The following DCP2 variants were observed in gnomAD, a reference collection of about 807,000 sequenced individuals.
DCP2 encodes the protein decapping mRNA 2.
A neutral mutation model predicts 56.1 loss-of-function variants in DCP2; 30 were observed. The observed-to-expected ratio is 0.53, with a 90% CI of 0.40 to 0.73. The LOEUF (loss-of-function observed/expected upper bound fraction) is 0.73. Among genes scored for constraint, DCP2 ranks in the 30% least tolerant of loss-of-function variants. The pLI, the probability that DCP2 is intolerant of heterozygous loss-of-function variation, is 0.00. For missense variants in DCP2, 533 were observed against 502.7 expected, an observed-to-expected ratio of 1.06 and a Z score of -0.58; for synonymous variants, 197 against 163.3, an observed-to-expected ratio of 1.21 and a Z score of -1.57.
At chr5:113,002,654 G>T (rs1315123209) in intron 7 of DCP2, among the ~76,000 whole-genome samples, 5 of 152,008 alleles carry the variant, frequency 3.3e-5, no homozygotes, top group African/African-American at 1.2e-4. Context: ...TGAGTCACTG[G>T]GAACACAGGC....
At chr5:112,989,021 G>C (rs1330834445) in intron 2 of DCP2, among the ~76,000 whole-genome samples, 1 of 152,210 alleles carries the variant, frequency 6.6e-6, no homozygotes, top group Non-Finnish European at 1.5e-5. Flanking sequence ...AATGTTTAAT[G>C]TGGTACACTT....
In DCP2 at chr5:113,017,305, T is replaced by A. The variant is rs778377690; in HGVS notation, c.*3821T>A. 1 of 140,466 alleles carries A rather than the reference T, an allele frequency of 7.1e-6. No homozygotes were observed. Among genetic ancestry groups the A allele is most frequent in the African/African-American group, 2.8e-5 (1 of 36,008 alleles). The allele number at this position is 140,466 out of a possible 1,614,324, so 8.7% of individuals were successfully genotyped here. A position where few individuals can be genotyped will look rare whatever the true frequency, so the allele number is the denominator to read the frequency against. On this transcript the variant is annotated 3_prime_UTR_variant, in exon 11 of 11. Coordinates refer to ENST00000389063, the MANE Select transcript of DCP2 (RefSeq NM_152624.6). ...CTTTAGATTACTAAACAAAACAAAC[T>A]GTTTTTTTGTTTGAAGGTATCCTTT... is the stretch of plus-strand genomic sequence containing the variant.
intron 8 of DCP2, among the ~76,000 whole-genome samples, chr5:113,006,785 G>A (rs1181582197): frequency 6.6e-6 from 1 of 152,098 alleles, no homozygotes; most frequent in Non-Finnish European, 1.5e-5. Context: ...CAATTTAATA[G>A]CAAGATTCAA....
intron 2 of DCP2, among the ~76,000 whole-genome samples, chr5:112,987,543 G>C (rs1748352282): frequency 6.7e-6 from 1 of 150,166 alleles, no homozygotes; most frequent in African/African-American, 2.4e-5. Flanking sequence ...GCCTCCACCT[G>C]CAGGGTTCAA....
Position 113,016,685 on chromosome 5 carries a change from A to T in DCP2, c.*3201A>T, listed in dbSNP as rs1201817169. On this transcript the variant is annotated 3_prime_UTR_variant, in exon 11 of 11. Transcript: ENST00000389063. ...TATAGAAAAGTTAAGGTCTGAGTGC[A>T]TGTGTGCATTAAAAACATTTCACTA... 6.6e-6 allele frequency: 1 copy of T among 152,200 alleles called. No homozygotes were observed. Among genetic ancestry groups the T allele is most frequent in the African/African-American group, 2.4e-5 (1 of 41,456 alleles). 9.4% of individuals were successfully genotyped at this position (152,200 alleles called of 1,614,324 possible). A position where few individuals can be genotyped will look rare whatever the true frequency, so the allele number is the denominator to read the frequency against.
chr5:113,009,838 C>G (rs1189836558), intron 9 of DCP2, among the ~76,000 whole-genome samples: 1 of 151,862 alleles, frequency 6.6e-6, no homozygotes, highest in Non-Finnish European at 1.5e-5. Context: ...GATGTTAACA[C>G]ACATCTTCAT....
intron 1 of DCP2, among the ~76,000 whole-genome samples, chr5:112,985,408 A>G (rs1395694067): frequency 1.3e-5 from 2 of 152,218 alleles, no homozygotes; most frequent in South Asian, 2.1e-4. Context: ...GAGCAACAGA[A>G]TATTGGTTTC....
intron 4 of DCP2, among the ~76,000 whole-genome samples, chr5:112,998,479 A>C (rs1043685051): frequency 2.6e-5 from 4 of 152,208 alleles, no homozygotes; most frequent in African/African-American, 7.2e-5. Context: ...TATCATATTA[A>C]AATTTTTTCT....
In DCP2 at chr5:113,003,999, G is replaced by A; in HGVS notation, c.864G>A (p.Gln288=). 6.2e-7 allele frequency: 1 copy of A among 1,614,034 alleles called. No individual in the cohort carries two copies. Among genetic ancestry groups the A allele is most frequent in the East Asian group, 2.2e-5 (1 of 44,880 alleles). ...TTCCTGACGGTTCTCCTGGTGACCA[G>A]TGGGTAAAGCACAGGCAACCACTGC... ...QLFPDGSPGD[Q]WVKHRQPLQQ... The change falls in exon 8 of 11, where the codon CAG becomes CAA. Residue 288 remains glutamine, a synonymous_variant. Coordinates refer to ENST00000389063, the MANE Select transcript of DCP2 (RefSeq NM_152624.6).
chr5:112,984,068 A>C (rs921035642), intron 1 of DCP2: 2 of 152,266 alleles, frequency 1.3e-5, no homozygotes, highest in Non-Finnish European at 1.5e-5. Context: ...ATAAAGGCAC[A>C]GGGAACTATA....
At chr5:113,011,283 C>T (rs1749671595) in intron 10 of DCP2, among the ~76,000 whole-genome samples, 1 of 152,162 alleles carries the variant, frequency 6.6e-6, no homozygotes, top group Admixed American at 6.5e-5. Flanking sequence ...CTTTTGGAGG[C>T]AGTGTTCAAC....
intron 8 of DCP2, among the ~76,000 whole-genome samples, chr5:113,006,149 A>T (rs1252624110): frequency 6.6e-6 from 1 of 151,672 alleles, no homozygotes; most frequent in Non-Finnish European, 1.5e-5. Flanking sequence ...ATTTCGAAGC[A>T]TGCTACAATA....
Position 113,015,233 on chromosome 5 carries a change from A to T in DCP2, c.*1749A>T, listed in dbSNP as rs1283429929. On this transcript the variant is annotated 3_prime_UTR_variant, in exon 11 of 11. Coordinates refer to ENST00000389063, the MANE Select transcript of DCP2 (RefSeq NM_152624.6). ...AGCCATATTTATAGTTGGTCCCAGC[A>T]TTCCAGACTTCTGGTAAATTGTTAA... is the stretch of plus-strand genomic sequence containing the variant. The T allele has an allele frequency of 2.0e-5, 3 of 152,780 alleles. No individual in the cohort carries two copies. The East Asian group carries it at 5.8e-4, about 29-fold the overall frequency. The allele number at this position is 152,780 out of a possible 1,614,324, so 9.5% of individuals were successfully genotyped here.
At chr5:112,977,619 C>G (rs561033891) in intron 1 of DCP2, among the ~76,000 whole-genome samples, 4 of 152,080 alleles carry the variant, frequency 2.6e-5, no homozygotes. Context: ...CTTAATAATC[C>G]TATTTTAAAG....
intron 9 of DCP2, among the ~76,000 whole-genome samples, chr5:113,008,622 GGTGA>G (rs1749547059): frequency 6.6e-6 from 1 of 151,958 alleles, no homozygotes; most frequent in African/African-American, 2.4e-5. Context: ...TTCATTTATT[GGTGA>G]GTAATAATAG....
At chr5:112,978,043 T>G (rs1246635707) in intron 1 of DCP2, among the ~76,000 whole-genome samples, 2 of 152,072 alleles carry the variant, frequency 1.3e-5, no homozygotes, top group Non-Finnish European at 2.9e-5. Context: ...AGTGGTGCGG[T>G]CTTGGCTCAC....
intron 4 of DCP2, among the ~76,000 whole-genome samples, chr5:112,999,401 C>T (rs1749023487): frequency 6.6e-6 from 1 of 151,836 alleles, no homozygotes; most frequent in Non-Finnish European, 1.5e-5. Flanking sequence ...GATCTCGGCT[C>T]ACTGCAACCT....
intron 2 of DCP2, among the ~76,000 whole-genome samples, chr5:112,991,619 A>T (rs567257412): frequency 5.3e-5 from 8 of 152,360 alleles, no homozygotes; most frequent in Non-Finnish European, 7.3e-5. Context: ...TCCCAGAATT[A>T]AGCACTTTAT....
chr5:112,994,648 T>C (rs1413307755), intron 4 of DCP2, among the ~76,000 whole-genome samples: 3 of 152,228 alleles, frequency 2.0e-5, no homozygotes, highest in Non-Finnish European at 4.4e-5. Context: ...CAATTTATCA[T>C]GTATCACACA....
Sources: allele counts gnomAD v4.1 joint callset (sites outside exome capture counted in the v4.1 genomes callset), GRCh38; gene constraint gnomAD v4.1.1; transcripts MANE v1.5; gene names NCBI Gene and HGNC (gene_info 2026-07-23, HGNC 2026-07-21).